The following PRMT8 variants were observed in gnomAD, a reference collection of about 807,000 sequenced individuals.
The protein encoded by PRMT8 is protein arginine methyltransferase 8.
PRMT8 carries 7 observed loss-of-function variants against 47.1 expected under a neutral mutation model. The ratio of observed to expected loss-of-function variants is 0.15; its 90% CI spans 0.08 to 0.28. PRMT8 has a LOEUF of 0.28. PRMT8 is among the 10% of genes least tolerant of loss of function. PRMT8 has a pLI of 1.00. For missense variants in PRMT8, 237 were observed against 505.4 expected, an observed-to-expected ratio of 0.47 and a Z score of 5.09; for synonymous variants, 188 against 186.5, an observed-to-expected ratio of 1.01 and a Z score of -0.07.
intron 1 of PRMT8, among the ~76,000 whole-genome samples, chr12:3,422,899 C>G (rs560833650): frequency 6.6e-6 from 1 of 152,292 alleles, no homozygotes; most frequent in Non-Finnish European, 1.5e-5. Flanking sequence ...TTATCACTAC[C>G]CACGTCTTCT....
At chr12:3,488,963 T>C (rs922891257), upstream of PRMT8, among the ~76,000 whole-genome samples, 1 of 152,196 alleles carries the variant, frequency 6.6e-6, no homozygotes. Context: ...CTCTTTGTTC[T>C]AAGACAGCTC....
At chr12:3,405,428 A>G (rs749795057) in intron 1 of PRMT8, among the ~76,000 whole-genome samples, 29 of 152,170 alleles carry the variant, frequency 1.9e-4, no homozygotes, top group Admixed American at 3.3e-4. Context: ...TCACATTTCA[A>G]AATGCAATCA....
rs955056575 is a variant in PRMT8 at position 3,569,947 on chromosome 12, T to C, written c.712+383T>C. Reference sequence around the variant, plus strand: ...CCGCAGGGGTCTGAAGTAGCAGGTCTCTTGCCAGGCCAATTGTTTTGAATC... The same window carrying C: ...CCGCAGGGGTCTGAAGTAGCAGGTCCCTTGCCAGGCCAATTGTTTTGAATC... On this transcript the variant is annotated intron_variant, in intron 6 of 9. Transcript: ENST00000382622. This position sits in a 1 kb window ranked among gnomAD's most constrained non-coding sequence, Gnocchi z 8.2. 2.6e-5 allele frequency among the ~76,000 whole-genome samples: 4 copies of C among 152,234 alleles called. No individual in the cohort carries two copies. Among genetic ancestry groups the C allele is most frequent in the Non-Finnish European group, 5.9e-5 (4 of 68,044 alleles).
At chr12:3,387,105 C>T (rs777199545) in intron 1 of PRMT8, among the ~76,000 whole-genome samples, 15 of 152,154 alleles carry the variant, frequency 9.9e-5, no homozygotes, top group Non-Finnish European at 1.9e-4. Flanking sequence ...TCCCAAGTGC[C>T]TGACACAAAG....
chr12:3,486,944 G>A (rs1041915870), upstream of PRMT8, among the ~76,000 whole-genome samples: 6 of 152,216 alleles, frequency 3.9e-5, no homozygotes, highest in African/African-American at 7.2e-5. Context: ...GGTATTGGTG[G>A]CACTCAGCGA....
intron 1 of PRMT8, among the ~76,000 whole-genome samples, chr12:3,403,743 G>T (rs955194233): frequency 6.6e-6 from 1 of 151,806 alleles, no homozygotes; most frequent in Non-Finnish European, 1.5e-5. Context: ...GCCAGGCGTA[G>T]TGGCACGTCT....
At chr12:3,412,196 G>A (rs1864437909) in intron 1 of PRMT8, among the ~76,000 whole-genome samples, 2 of 152,170 alleles carry the variant, frequency 1.3e-5, no homozygotes, top group Non-Finnish European at 1.5e-5. Flanking sequence ...GTGGGCAATT[G>A]TAACACAATG....
intron 1 of PRMT8, among the ~76,000 whole-genome samples, chr12:3,523,644 G>C (rs940071372): frequency 6.6e-6 from 1 of 152,236 alleles, no homozygotes; most frequent in Non-Finnish European, 1.5e-5. Flanking sequence ...AAGAGCGACT[G>C]TTACGCATGG....
At chr12:3,592,775 C>G (rs924626703) in intron 9 of PRMT8, among the ~76,000 whole-genome samples, 1 of 152,150 alleles carries the variant, frequency 6.6e-6, no homozygotes, top group Non-Finnish European at 1.5e-5. Context: ...TGGGCATGAG[C>G]GCTAAAAACG....
intron 6 of PRMT8, among the ~76,000 whole-genome samples, chr12:3,575,274 TAAA>T (rs1565446794): frequency 6.6e-6 from 1 of 152,226 alleles, no homozygotes; most frequent in Admixed American, 6.5e-5. Context: ...CCCACTCTCC[TAAA>T]CACACACAGG....
intron 1 of PRMT8, among the ~76,000 whole-genome samples, chr12:3,522,970 G>C (rs1307153517): frequency 6.6e-6 from 1 of 150,484 alleles, no homozygotes; most frequent in Non-Finnish European, 1.5e-5. Flanking sequence ...TACTACCAGG[G>C]GTAAGGGGGT....
intron 1 of PRMT8, among the ~76,000 whole-genome samples, chr12:3,449,129 A>G (rs1165506099): frequency 6.6e-6 from 1 of 152,282 alleles, no homozygotes; most frequent in East Asian, 1.9e-4. Context: ...TCTTTATGCA[A>G]CCTATCACTA....
chr12:3,476,465 G>A (rs1011949946), intron 1 of PRMT8, among the ~76,000 whole-genome samples: 1 of 152,022 alleles, frequency 6.6e-6, no homozygotes, highest in Non-Finnish European at 1.5e-5. Context: ...AAGTGCCTGC[G>A]AGCTGGTCTG....
chr12:3,583,014 T>G lies in PRMT8; in HGVS notation c.829-44T>G. ...GCTGCTGACCGGGACCCAGACTTGG[T>G]GGAGGCGATAAGTTCCCGGCATTCT... On this transcript the variant is annotated intron_variant, in intron 7 of 9. Coordinates refer to ENST00000382622, the MANE Select transcript of PRMT8 (RefSeq NM_019854.5). This position sits in a 1 kb window ranked among gnomAD's most constrained non-coding sequence, Gnocchi z 4.7. The G allele has an allele frequency of 6.3e-7, 1 of 1,593,232 alleles. No individual in the cohort carries two copies. Among genetic ancestry groups the G allele is most frequent in the Non-Finnish European group, 8.6e-7 (1 of 1,167,974 alleles).
At chr12:3,496,215 T>TATATATATATATATATATATATATA (rs1555085719) in intron 1 of PRMT8, among the ~76,000 whole-genome samples, 29 of 24,278 alleles carry the variant, frequency 1.2e-3, no homozygotes, top group African/African-American at 1.9e-3. Context: ...TATATATATA[T>TATATATATATATATATATATATATA]TTTTTTTTTT....
At chr12:3,447,260 A>C (rs1420324136) in intron 1 of PRMT8, among the ~76,000 whole-genome samples, 1 of 152,192 alleles carries the variant, frequency 6.6e-6, no homozygotes, top group Non-Finnish European at 1.5e-5. Flanking sequence ...TGAAGCAGCT[A>C]TTCTCTTCCA....
intron 1 of PRMT8, among the ~76,000 whole-genome samples, chr12:3,532,210 A>G (rs1162816107): frequency 6.6e-6 from 1 of 151,144 alleles, no homozygotes; most frequent in Non-Finnish European, 1.5e-5. Flanking sequence ...CATAAATGTG[A>G]TAGTAGTAGA....
intron 7 of PRMT8, among the ~76,000 whole-genome samples, chr12:3,577,207 C>T (rs1409387860): frequency 6.6e-6 from 1 of 152,128 alleles, no homozygotes; most frequent in Non-Finnish European, 1.5e-5. Context: ...GTGGGAGGGC[C>T]CCAGCACAGG....
In PRMT8 at chr12:3,542,542, T is replaced by C. The variant is rs142316673; in HGVS notation, c.261+1751T>C. Among the ~76,000 whole-genome samples the C allele has an allele frequency of 4.8e-3, 728 of 152,354 alleles. 10 individuals carry two copies. The highest frequency in any genetic ancestry group is 0.017 in the African/African-American group (699 of 41,596). ...TCCATGTGACAAGTTCTAACAGGCC[T>C]GTGGCTCTGGGTACCCATTTCAGGA... On this transcript the variant is annotated intron_variant, in intron 2 of 9. Transcript: ENST00000382622.
Sources: allele counts gnomAD v4.1 joint callset (sites outside exome capture counted in the v4.1 genomes callset), GRCh38; gene constraint gnomAD v4.1.1; non-coding constraint Gnocchi (gnomAD v3.1); transcripts MANE v1.5; gene names NCBI Gene and HGNC (gene_info 2026-07-23, HGNC 2026-07-21).